Variants in EPM2A observed in about 807,000 individuals in gnomAD.
EPM2A encodes EPM2A glucan phosphatase, laforin.
In EPM2A, 21 loss-of-function variants were observed where a neutral mutation model predicts 26.5. That is an observed-to-expected ratio of 0.79 (90% CI 0.56 to 1.14). The LOEUF (loss-of-function observed/expected upper bound fraction) is 1.14. EPM2A is among the 50% of genes most tolerant of loss of function. The pLI, the probability that EPM2A is intolerant of heterozygous loss-of-function variation, is 0.00. For missense variants in EPM2A, 458 were observed against 440.8 expected (o/e 1.04, Z -0.35); for synonymous variants, 217 against 177.6 (o/e 1.22, Z -1.76).
At chr6:145,715,969 C>T (rs2092262) in intron 1 of EPM2A, among the ~76,000 whole-genome samples, 77,547 of 151,890 alleles carry the variant, frequency 0.51, 20,421 homozygotes, top group East Asian at 0.67. Flanking sequence ...CACAACCATC[C>T]CCACCTCCCC....
At chr6:145,647,803 T>C (rs1242676190) in intron 2 of EPM2A, among the ~76,000 whole-genome samples, 3 of 152,186 alleles carry the variant, frequency 2.0e-5, no homozygotes, top group African/African-American at 7.2e-5. Context: ...TCAGCTATCA[T>C]CAATTGAAAA....
chr6:145,443,298 T>C (rs1045367126), intron 4 of EPM2A, among the ~76,000 whole-genome samples: 4 of 152,214 alleles, frequency 2.6e-5, no homozygotes, highest in Non-Finnish European at 5.9e-5. Context: ...GGAATAGCAT[T>C]GAATCCAGAA....
At chr6:145,482,941 T>G (rs1779628284) in intron 4 of EPM2A, among the ~76,000 whole-genome samples, 1 of 152,028 alleles carries the variant, frequency 6.6e-6, no homozygotes, top group East Asian at 1.9e-4. Flanking sequence ...GAGTGAGTAC[T>G]TGGCTGTGCA....
intron 4 of EPM2A, among the ~76,000 whole-genome samples, chr6:145,403,201 G>T (rs1778517641): frequency 6.6e-6 from 1 of 151,902 alleles, no homozygotes; most frequent in East Asian, 1.9e-4. Context: ...TGGAGAATGG[G>T]GTATCCATCA....
At chr6:145,387,943 G>T (rs899481582) in intron 4 of EPM2A, among the ~76,000 whole-genome samples, 24 of 152,034 alleles carry the variant, frequency 1.6e-4, no homozygotes, top group African/African-American at 5.3e-4. Flanking sequence ...TAAACAGAAG[G>T]GAAGCTATCA....
At chr6:145,428,181 A>C (rs2114689679) in intron 4 of EPM2A, among the ~76,000 whole-genome samples, 1 of 151,076 alleles carries the variant, frequency 6.6e-6, no homozygotes, top group Middle Eastern at 3.4e-3. Flanking sequence ...GACAGCCCTC[A>C]AAATCATAAG....
chr6:145,674,062 C>T lies in EPM2A; in HGVS notation c.476+12060G>A, dbSNP rs1369779400. On this transcript the variant is annotated intron_variant, in intron 2 of 3. Coordinates refer to ENST00000367519, the MANE Select transcript of EPM2A (RefSeq NM_005670.4). ...GGGGCCAACAGACACCTCATACAGGCGGGTGCCCCTCTGGGATGAAGCTTC... is the reference window on the plus strand; with the variant it reads ...GGGGCCAACAGACACCTCATACAGGTGGGTGCCCCTCTGGGATGAAGCTTC... Among the ~76,000 whole-genome samples the T allele has an allele frequency of 3.9e-5, 6 of 152,188 alleles. No individual in the cohort carries two copies. In the East Asian group the frequency reaches 1.2e-3, roughly 29 times the overall value.
At chr6:145,463,794 A>G (rs780499065) in intron 4 of EPM2A, among the ~76,000 whole-genome samples, 1 of 152,118 alleles carries the variant, frequency 6.6e-6, no homozygotes, top group Non-Finnish European at 1.5e-5. Context: ...CACTAGAAAG[A>G]CTGCACGTTA....
At chr6:145,458,465 T>C (rs1302625087) in intron 4 of EPM2A, among the ~76,000 whole-genome samples, 1 of 152,202 alleles carries the variant, frequency 6.6e-6, no homozygotes, top group Non-Finnish European at 1.5e-5. Flanking sequence ...AAGATGGCTT[T>C]TCCTCTTGTG....
At chr6:145,731,748 G>T (rs1776498841) in intron 1 of EPM2A, among the ~76,000 whole-genome samples, 1 of 151,838 alleles carries the variant, frequency 6.6e-6, no homozygotes, top group African/African-American at 2.4e-5. Context: ...TCATTTTTTA[G>T]AAGAAATTTT....
chr6:145,717,124 A>G (rs1775673719), intron 1 of EPM2A, among the ~76,000 whole-genome samples: 2 of 152,202 alleles, frequency 1.3e-5, no homozygotes, highest in Non-Finnish European at 2.9e-5. Flanking sequence ...TTATGAGGCC[A>G]GCATCATCCT....
intron 2 of EPM2A, among the ~76,000 whole-genome samples, chr6:145,573,595 C>T (rs1157334844): frequency 6.6e-5 from 10 of 152,230 alleles, no homozygotes; most frequent in Admixed American, 2.0e-4. Flanking sequence ...CACTAATCTC[C>T]GCAATCCCTC....
In EPM2A at chr6:145,722,799, A is replaced by T. The variant is rs945101088; in HGVS notation, c.301+12399T>A. 3.4e-5 allele frequency: 15 copies of T among 446,004 alleles called. No homozygotes were observed. In the East Asian group the frequency reaches 7.3e-4, roughly 22 times the overall value. The allele number at this position is 446,004 out of a possible 1,614,324, so 27.6% of individuals were successfully genotyped here. A position where few individuals can be genotyped will look rare whatever the true frequency, so the allele number is the denominator to read the frequency against. ...TATGATTAGTGCCTTTATAAGAAGA[A>T]ATTTGGGCACAGAGACAAAAAGAGA... On this transcript the variant is annotated intron_variant, in intron 1 of 3. Coordinates refer to ENST00000367519, the MANE Select transcript of EPM2A (RefSeq NM_005670.4).
At chr6:145,518,608 A>C (rs946907904) in intron 2 of EPM2A, among the ~76,000 whole-genome samples, 3 of 151,648 alleles carry the variant, frequency 2.0e-5, no homozygotes, top group East Asian at 1.9e-4. Context: ...AAAAAAAAAA[A>C]AAAAAAAAAA....
intron 4 of EPM2A, chr6:145,490,690 T>C (rs1441607594): frequency 1.4e-5 from 8 of 590,710 alleles, no homozygotes; most frequent in Non-Finnish European, 2.3e-5. Flanking sequence ...TTCCTTCAAA[T>C]GATAAAACAA....
intron 4 of EPM2A, among the ~76,000 whole-genome samples, chr6:145,400,579 G>A (rs1778471012): frequency 6.6e-6 from 1 of 152,100 alleles, no homozygotes; most frequent in Non-Finnish European, 1.5e-5. Flanking sequence ...AGTTAACAGA[G>A]GTTGCTTACT....
intron 4 of EPM2A, among the ~76,000 whole-genome samples, chr6:145,474,563 C>T (rs1779518557): frequency 6.6e-6 from 1 of 152,026 alleles, no homozygotes; most frequent in African/African-American, 2.4e-5. Flanking sequence ...TAGGCATGGG[C>T]AAAGACTTCA....
intron 4 of EPM2A, among the ~76,000 whole-genome samples, chr6:145,480,429 A>G (rs1269731621): frequency 6.6e-6 from 1 of 152,112 alleles, no homozygotes; most frequent in Non-Finnish European, 1.5e-5. Context: ...GAGGATTACA[A>G]TTAGACATGA....
chr6:145,604,167 G>A (rs554714297), intron 2 of EPM2A, among the ~76,000 whole-genome samples: 5 of 152,040 alleles, frequency 3.3e-5, no homozygotes, highest in African/African-American at 1.2e-4. Flanking sequence ...CCATTAAAAA[G>A]TTTATGCTCT....
Sources: gnomAD v4.1 joint callset for allele counts (sites outside exome capture counted in the v4.1 genomes callset) on GRCh38, gnomAD v4.1.1 for gene constraint, MANE v1.5 for transcripts, NCBI Gene and HGNC (gene_info 2026-07-23, HGNC 2026-07-21) for gene names.